The following KCNT2 variants were observed in gnomAD, a reference collection of about 807,000 sequenced individuals.
The protein encoded by KCNT2 is potassium channel subfamily T member 2.
Under a neutral mutation model 153.8 loss-of-function variants are expected in KCNT2, and 67 were observed. The observed-to-expected ratio is 0.44, with a 90% CI of 0.36 to 0.53. The LOEUF is 0.53. KCNT2 is among the 20% of genes least tolerant of loss of function. The probability of loss-of-function intolerance (pLI) is 0.00; values close to 1 mark genes in which losing one functional copy is unlikely to be tolerated. For synonymous variants in KCNT2, 500 were observed against 458.8 expected, an observed-to-expected ratio of 1.09 and a Z score of -1.15; for missense variants, 975 against 1,354.8, an observed-to-expected ratio of 0.72 and a Z score of 4.40.
intron 15 of KCNT2, among the ~76,000 whole-genome samples, 183 bp from the exon 16 acceptor site, chr1:196,340,753 T>C (rs971956004): frequency 2.0e-5 from 3 of 152,064 alleles, no homozygotes; most frequent in Non-Finnish European, 4.4e-5. Context: ...TAGCTGATTA[T>C]GACCACTATA....
intron 25 of KCNT2, among the ~76,000 whole-genome samples, chr1:196,265,850 A>G (rs1657491866): frequency 2.6e-5 from 4 of 152,162 alleles, no homozygotes; most frequent in Admixed American, 1.3e-4. Flanking sequence ...TTCAAACCCA[A>G]CTTCAATCTA....
chr1:196,309,198 G>A lies in KCNT2; in HGVS notation c.2484-3853C>T, dbSNP rs112953630. On this transcript the variant is annotated intron_variant, in intron 21 of 27. Transcript: ENST00000294725. ...TAGAGATAGAATTTATGAGGAAAAC[G>A]TAGCTACAAACTAATGAAAATCAAG... Among the ~76,000 whole-genome samples the A allele has an allele frequency of 5.1e-3, 779 of 151,986 alleles. 6 individuals are homozygous for A. The highest frequency in any genetic ancestry group is 0.016 in the African/African-American group (678 of 41,542).
At chr1:196,465,050 C>T (rs1454334620) in intron 8 of KCNT2, among the ~76,000 whole-genome samples, 1 of 151,954 alleles carries the variant, frequency 6.6e-6, no homozygotes, top group Non-Finnish European at 1.5e-5. Context: ...CTGTTTACAG[C>T]AGTTGGTAAA....
At chr1:196,250,701 G>A (rs1395629745) in intron 26 of KCNT2, among the ~76,000 whole-genome samples, 2 of 152,114 alleles carry the variant, frequency 1.3e-5, no homozygotes, top group African/African-American at 4.8e-5. Context: ...CAATATGGGA[G>A]AAACTATCTG....
intron 13 of KCNT2, among the ~76,000 whole-genome samples, chr1:196,397,929 A>G (rs966627234): frequency 4.6e-5 from 7 of 151,404 alleles, no homozygotes. Context: ...GCTTAAATCA[A>G]CATTAGCGGT....
At chr1:196,382,263 T>A (rs1050129339) in intron 13 of KCNT2, among the ~76,000 whole-genome samples, 1 of 131,534 alleles carries the variant, frequency 7.6e-6, no homozygotes, top group Non-Finnish European at 1.7e-5. Flanking sequence ...CACACCCGGC[T>A]ATTTTTTATT....
At chr1:196,318,163 T>G (rs1662920361) in intron 20 of KCNT2, among the ~76,000 whole-genome samples, 1 of 151,680 alleles carries the variant, frequency 6.6e-6, no homozygotes, top group African/African-American at 2.4e-5. Flanking sequence ...GTTATAGGGA[T>G]AATTGGCAAA....
At position 196,285,318 on chromosome 1, in the gene KCNT2, T is replaced by C. The variant is rs1237154050; in HGVS notation, c.2697+339A>G. The stretch of plus-strand genomic sequence containing the variant: ...TATAAGGAATGCTGTTTTTATTAAG[T>C]TGGTAATTTTTTTTTACCTTTTTAA... On this transcript the variant is annotated intron_variant, in intron 23 of 27. Coordinates refer to ENST00000294725, the MANE Select transcript of KCNT2 (RefSeq NM_198503.5). 2.6e-5 allele frequency among the ~76,000 whole-genome samples: 4 copies of C among 152,204 alleles called. No homozygotes were observed. In the East Asian group the frequency reaches 7.7e-4, roughly 29 times the overall value.
chr1:196,501,665 G>A (rs1680708612), intron 1 of KCNT2, among the ~76,000 whole-genome samples: 1 of 151,718 alleles, frequency 6.6e-6, no homozygotes, highest in Non-Finnish European at 1.5e-5. Context: ...TCAGATGATG[G>A]GCACACAAAA....
chr1:196,242,538 C>G (rs148811294), intron 26 of KCNT2, among the ~76,000 whole-genome samples: 28 of 152,212 alleles, frequency 1.8e-4, no homozygotes, highest in African/African-American at 6.5e-4. Context: ...AATTTTGCAG[C>G]TCTCCTGCAG....
chr1:196,383,709 C>G (rs1286581971), intron 13 of KCNT2, among the ~76,000 whole-genome samples: 5 of 151,926 alleles, frequency 3.3e-5, no homozygotes, highest in Non-Finnish European at 7.4e-5. Flanking sequence ...GTCTTTAAAT[C>G]AAAAAAATAA....
At chr1:196,447,232 G>A (rs1256337334) in intron 8 of KCNT2, among the ~76,000 whole-genome samples, 1 of 151,454 alleles carries the variant, frequency 6.6e-6, no homozygotes, top group Non-Finnish European at 1.5e-5. Context: ...CGAAAATAAT[G>A]GAAAACATGT....
intron 1 of KCNT2, among the ~76,000 whole-genome samples, chr1:196,507,499 A>AG (rs773577874): frequency 1.3e-5 from 2 of 152,160 alleles, no homozygotes; most frequent in Admixed American, 1.3e-4. Context: ...CAGTAGAACT[A>AG]GGGGTTGGTG....
At chr1:196,422,140 C>T (rs1444549804) in intron 12 of KCNT2, among the ~76,000 whole-genome samples, 4 of 152,000 alleles carry the variant, frequency 2.6e-5, no homozygotes, top group Non-Finnish European at 1.5e-5. Flanking sequence ...TCAGTTTAAA[C>T]ATTTTAGAAA....
At chr1:196,362,336 A>T (rs1275565398) in intron 14 of KCNT2, among the ~76,000 whole-genome samples, 1 of 151,928 alleles carries the variant, frequency 6.6e-6, no homozygotes, top group Non-Finnish European at 1.5e-5. Context: ...TTTTCTGGTG[A>T]TGATAAATGA....
intron 11 of KCNT2, among the ~76,000 whole-genome samples, chr1:196,424,529 A>T (rs1364374481): frequency 6.6e-6 from 1 of 151,968 alleles, no homozygotes; most frequent in Non-Finnish European, 1.5e-5. Flanking sequence ...GTGCTGGGAA[A>T]ATCTGATGAC....
intron 13 of KCNT2, among the ~76,000 whole-genome samples, chr1:196,394,386 G>A (rs1211982601): frequency 6.6e-6 from 1 of 151,608 alleles, no homozygotes; most frequent in African/African-American, 2.4e-5. Flanking sequence ...CTGTGGATTA[G>A]GTAGTACAAC....
At chr1:196,299,718 C>G (rs1251960484) in intron 22 of KCNT2, among the ~76,000 whole-genome samples, 1 of 152,072 alleles carries the variant, frequency 6.6e-6, no homozygotes, top group Non-Finnish European at 1.5e-5. Context: ...ACTAATAGAA[C>G]TGCCACATGA....
At chr1:196,288,650 A>T (rs1659898929) in intron 22 of KCNT2, among the ~76,000 whole-genome samples, 1 of 152,122 alleles carries the variant, frequency 6.6e-6, no homozygotes, top group Admixed American at 6.6e-5. Context: ...GCATTTAGAC[A>T]TTCAATTTTA....
Sources: gnomAD v4.1 joint callset for allele counts (sites outside exome capture counted in the v4.1 genomes callset) on GRCh38, gnomAD v4.1.1 for gene constraint, MANE v1.5 for transcripts, NCBI Gene and HGNC (gene_info 2026-07-23, HGNC 2026-07-21) for gene names.